RORB: variants seen among roughly 807,000 people sequenced by gnomAD.
RORB encodes nuclear receptor ROR-beta.
In RORB, 6 loss-of-function variants were observed where a neutral mutation model predicts 59.1. That is an observed-to-expected ratio of 0.10 (90% CI 0.06 to 0.20). The LOEUF (loss-of-function observed/expected upper bound fraction) is 0.20, where lower values mean the gene tolerates loss of function less well. Ranked by LOEUF, RORB falls within the 10% of genes least tolerant of loss-of-function variation. The probability of loss-of-function intolerance (pLI) is 1.00; values close to 1 mark genes in which losing one functional copy is unlikely to be tolerated. For missense variants in RORB, 320 were observed against 560.5 expected, an observed-to-expected ratio of 0.57 and a Z score of 4.33; for synonymous variants, 215 against 204.5, an observed-to-expected ratio of 1.05 and a Z score of -0.44.
intron 1 of RORB, among the ~76,000 whole-genome samples, chr9:74,501,850 T>C (rs553090803): frequency 6.6e-6 from 1 of 152,222 alleles, no homozygotes; most frequent in Non-Finnish European, 1.5e-5. Flanking sequence ...AGGAGGAAAA[T>C]GTAGATGAAG....
chr9:74,615,755 A>G (rs961121156), intron 1 of RORB: 2 of 293,162 alleles, frequency 6.8e-6, no homozygotes, highest in African/African-American at 4.4e-5. Context: ...AGGTGTGGGG[A>G]CAAAAAAATA....
intron 9 of RORB, among the ~76,000 whole-genome samples, chr9:74,680,508 T>C (rs937525029): frequency 6.6e-6 from 1 of 152,186 alleles, no homozygotes; most frequent in Non-Finnish European, 1.5e-5. Flanking sequence ...CACTTCCATT[T>C]TGGTCAGCCA....
intron 3 of RORB, 96 bp from the exon 4 acceptor site, chr9:74,642,318 G>C: frequency 2.4e-6 from 3 of 1,250,080 alleles, no homozygotes; most frequent in Non-Finnish European, 3.3e-6. Flanking sequence ...TGCATTTGAA[G>C]TTGAAGGGAC....
chr9:74,624,888 T>A (rs1823484507), intron 1 of RORB, among the ~76,000 whole-genome samples: 1 of 152,204 alleles, frequency 6.6e-6, no homozygotes. Context: ...AGAGATTTAA[T>A]TGCACTGCCC....
At chr9:74,591,706 T>C (rs1822896281) in intron 1 of RORB, among the ~76,000 whole-genome samples, 1 of 152,178 alleles carries the variant, frequency 6.6e-6, no homozygotes, top group African/African-American at 2.4e-5. Context: ...TTTACCTAAA[T>C]TCACTGACAG....
At chr9:74,525,157 C>T (rs1057139376) in intron 1 of RORB, among the ~76,000 whole-genome samples, 5 of 151,774 alleles carry the variant, frequency 3.3e-5, no homozygotes, top group South Asian at 2.1e-4. Context: ...TTTCAAAAAG[C>T]GAGCAATACT....
chr9:74,683,043 T>C (rs1417244980), intron 9 of RORB, among the ~76,000 whole-genome samples: 1 of 152,198 alleles, frequency 6.6e-6, no homozygotes, highest in Non-Finnish European at 1.5e-5. Context: ...CCAAACTCAC[T>C]GAAACTGAAT....
At chr9:74,589,095 C>A (rs927840227) in intron 1 of RORB, among the ~76,000 whole-genome samples, 1 of 152,146 alleles carries the variant, frequency 6.6e-6, no homozygotes, top group Non-Finnish European at 1.5e-5. Flanking sequence ...AATTACAGAG[C>A]ACCTCAGAAA....
At chr9:74,510,348 A>G (rs1039345874) in intron 1 of RORB, among the ~76,000 whole-genome samples, 2 of 152,162 alleles carry the variant, frequency 1.3e-5, no homozygotes, top group African/African-American at 2.4e-5. Context: ...CAGCATGTAA[A>G]ATATCTTCTT....
At chr9:74,630,489 T>A in intron 2 of RORB, 122 bp downstream of exon 2, 3 of 533,452 alleles carry the variant, frequency 5.6e-6, no homozygotes, top group African/African-American at 1.9e-5. Flanking sequence ...CTGCTGACAT[T>A]CAGGAATTCT....
intron 1 of RORB, among the ~76,000 whole-genome samples, chr9:74,513,515 C>T (rs902825973): frequency 6.6e-6 from 1 of 151,854 alleles, no homozygotes; most frequent in African/African-American, 2.4e-5. Flanking sequence ...GATAATAATT[C>T]AATCTAGAAG....
intron 1 of RORB, among the ~76,000 whole-genome samples, chr9:74,574,423 A>G (rs996098335): frequency 6.6e-6 from 1 of 152,128 alleles, no homozygotes; most frequent in Non-Finnish European, 1.5e-5. Flanking sequence ...ATTTTACCTC[A>G]CAGATATTTT....
At chr9:74,633,650 A>T (rs1158321234) in intron 2 of RORB, among the ~76,000 whole-genome samples, 1 of 152,186 alleles carries the variant, frequency 6.6e-6, no homozygotes, top group Non-Finnish European at 1.5e-5. Flanking sequence ...TTTCCCCAAT[A>T]GAGTTTTCTA....
chr9:74,522,564 G>A (rs1826097800), intron 1 of RORB, among the ~76,000 whole-genome samples: 1 of 151,732 alleles, frequency 6.6e-6, no homozygotes. Context: ...CAGTGGATGG[G>A]TGTTTGCTTC....
At chr9:74,628,757 T>C (rs1443188926) in intron 1 of RORB, among the ~76,000 whole-genome samples, 1 of 152,202 alleles carries the variant, frequency 6.6e-6, no homozygotes, top group African/African-American at 2.4e-5. Flanking sequence ...CATAATTATT[T>C]TAAATTGTAA....
intron 1 of RORB, among the ~76,000 whole-genome samples, chr9:74,624,009 T>G (rs139244344): frequency 6.6e-6 from 1 of 152,316 alleles, no homozygotes; most frequent in East Asian, 1.9e-4. Context: ...GTTCTGTTGT[T>G]TCAGTCCTCT....
intron 1 of RORB, chr9:74,615,537 C>T (rs1823298340): frequency 2.3e-6 from 1 of 439,784 alleles, no homozygotes; most frequent in Non-Finnish European, 4.6e-6. Context: ...CAGGGGCAGT[C>T]TTCAGACCTC....
At chr9:74,665,858 G>T (rs1395527433) in intron 7 of RORB, among the ~76,000 whole-genome samples, 1 of 152,170 alleles carries the variant, frequency 6.6e-6, no homozygotes, top group Admixed American at 6.6e-5. Flanking sequence ...GAAATAAATG[G>T]AGGCCCAGCG....
chr9:74,625,565 A>G (rs573446059), intron 1 of RORB, among the ~76,000 whole-genome samples: 1 of 152,324 alleles, frequency 6.6e-6, no homozygotes, highest in East Asian at 1.9e-4. Context: ...AGTGAGCTAC[A>G]ATAACACTGC....
Sources: gnomAD v4.1 joint callset for allele counts (sites outside exome capture counted in the v4.1 genomes callset) on GRCh38, gnomAD v4.1.1 for gene constraint, MANE v1.5 for transcripts, NCBI Gene and HGNC (gene_info 2026-07-23, HGNC 2026-07-21) for gene names.